PRKDC: variants seen among roughly 807,000 people sequenced by gnomAD.
PRKDC encodes the protein protein kinase, DNA-activated, catalytic subunit.
Under a neutral mutation model 486.9 loss-of-function variants are expected in PRKDC, and 82 were observed. That is an observed-to-expected ratio of 0.17 (90% CI 0.14 to 0.20). PRKDC has a LOEUF of 0.20. PRKDC is among the 10% of genes least tolerant of loss of function. PRKDC has a pLI of 1.00. For synonymous variants in PRKDC, 1,895 were observed against 1,837.0 expected (o/e 1.03, Z -0.81); for missense variants, 4,504 against 5,038.2 (o/e 0.89, Z 3.21).
intron 18 of PRKDC, 24 bp from the exon 19 acceptor site, chr8:47,929,202 G>C: frequency 2.7e-6 from 4 of 1,470,502 alleles, no homozygotes; most frequent in Non-Finnish European, 3.7e-6. Flanking sequence ...CAGCAAGTTA[G>C]TACACTGAAC....
At position 47,877,735 on chromosome 8, in the gene PRKDC, C is replaced by G. The variant is rs2089119150; in HGVS notation, c.5352G>C (p.Arg1784Ser). 6.3e-6 allele frequency: 10 copies of G among 1,584,508 alleles called. No individual in the cohort carries two copies. Among genetic ancestry groups the G allele is most frequent in the African/African-American group, 1.4e-5 (1 of 73,780 alleles). ...MEELFQSSFR[R>S]IARRGSCVTQ... is the part of the protein sequence containing the mutation. ...CCAGAATGACTTACCTTCTGGCAAT[C>G]CTCCTGAAACTGGATTGAAATAATT... Residue 1784 changes from arginine (R) to serine (S), a missense_variant, in exon 40 of 86, where the codon AGG becomes AGC. By Grantham distance (110) the Arg-to-Ser change is moderately radical. This residue lies in a region of PRKDC where 1,969 missense variants were observed against 2,068.9 expected (regional missense o/e 0.95). Transcript: ENST00000314191.
intron 69 of PRKDC, 90 bp downstream of exon 69, chr8:47,807,047 G>C: frequency 8.3e-6 from 11 of 1,327,726 alleles, no homozygotes; most frequent in Non-Finnish European, 1.1e-5. Flanking sequence ...TTATTTTAAG[G>C]TTCAGACTCT....
At chr8:47,801,575 A>G (rs1363984520) in intron 70 of PRKDC, among the ~76,000 whole-genome samples, 1 of 152,220 alleles carries the variant, frequency 6.6e-6, no homozygotes, top group Non-Finnish European at 1.5e-5. Flanking sequence ...ATCATTCTGC[A>G]ATTTTTCAAA....
At chr8:47,928,571 G>C (rs528247598) in intron 19 of PRKDC, among the ~76,000 whole-genome samples, 2 of 142,036 alleles carry the variant, frequency 1.4e-5, no homozygotes, top group Admixed American at 7.0e-5. Flanking sequence ...TTTTTTTTTT[G>C]AGACACAGTC....
At position 47,831,999 on chromosome 8, in the gene PRKDC, G is replaced by A. The variant is rs2087892181; in HGVS notation, c.8153-73C>T. ...GGCTCTGCTGGTTCATTTTCACCTC[G>A]GGTTTCCTCAAAGACAAAACCTACA... On this transcript the variant is annotated intron_variant, in intron 59 of 85. Transcript: ENST00000314191. 4.3e-6 allele frequency: 6 copies of A among 1,390,670 alleles called. No homozygotes were observed. The East Asian group carries it at 1.2e-4, about 27-fold the overall frequency. 86.1% of individuals were successfully genotyped at this position (1,390,670 alleles called of 1,614,324 possible).
chr8:47,927,169 A>G (rs1333881662), intron 21 of PRKDC, 25 bp downstream of exon 21: 3 of 1,603,816 alleles, frequency 1.9e-6, no homozygotes, highest in Non-Finnish European at 2.6e-6. Context: ...ATTACAATAC[A>G]CATCACAATT....
At chr8:47,863,792 T>C (rs1426554069) in intron 41 of PRKDC, among the ~76,000 whole-genome samples, 1 of 152,238 alleles carries the variant, frequency 6.6e-6, no homozygotes, top group Non-Finnish European at 1.5e-5. Flanking sequence ...GGAAATAATG[T>C]GTGACATCCA....
chr8:47,799,721 C>T (rs1181550038), intron 71 of PRKDC, among the ~76,000 whole-genome samples: 1 of 152,134 alleles, frequency 6.6e-6, no homozygotes, highest in Non-Finnish European at 1.5e-5. Flanking sequence ...CACTCAGTGT[C>T]CTGCACAGAT....
At chr8:47,830,475 C>T (rs1399405549) in intron 61 of PRKDC, 130 bp downstream of exon 61, 29 of 1,268,158 alleles carry the variant, frequency 2.3e-5, no homozygotes, top group Non-Finnish European at 3.1e-5. Context: ...ACCAAGTCCA[C>T]CGTTGAGGAC....
At chr8:47,851,372 T>A (rs928425526) in intron 52 of PRKDC, among the ~76,000 whole-genome samples, 6 of 152,250 alleles carry the variant, frequency 3.9e-5, no homozygotes, top group Non-Finnish European at 8.8e-5. Flanking sequence ...TTTAAAAATC[T>A]GTTTATTTAC....
chr8:47,816,185 G>A lies in PRKDC; in HGVS notation c.9557+1265C>T, dbSNP rs553664512. Among the ~76,000 whole-genome samples, 4 of 150,856 alleles carry A rather than the reference G, an allele frequency of 2.7e-5. No homozygotes were observed. The South Asian group carries it at 8.4e-4, about 32-fold the overall frequency. ...GCTGAGATTGTGCCACCGCACTCCA[G>A]CCTGGGCAAAAAGACTGCATCAAAA... On this transcript the variant is annotated intron_variant, in intron 68 of 85. Transcript: ENST00000314191.
At chr8:47,837,910 T>C (rs1282886757) in intron 56 of PRKDC, among the ~76,000 whole-genome samples, 1 of 151,958 alleles carries the variant, frequency 6.6e-6, no homozygotes, top group Non-Finnish European at 1.5e-5. Flanking sequence ...CTGAGGTGGG[T>C]GGATCACCTG....
At chr8:47,893,474 G>A in intron 30 of PRKDC, 87 bp from the exon 31 acceptor site, 2 of 1,305,454 alleles carry the variant, frequency 1.5e-6, no homozygotes, top group East Asian at 5.6e-5. Flanking sequence ...AAATGTTATG[G>A]GACAATCTTT....
chr8:47,944,613 C>T (rs954893375), intron 7 of PRKDC, among the ~76,000 whole-genome samples: 3 of 151,966 alleles, frequency 2.0e-5, no homozygotes, highest in Non-Finnish European at 2.9e-5. Context: ...AAAACAGGCA[C>T]ATAACTATAA....
intron 74 of PRKDC, among the ~76,000 whole-genome samples, chr8:47,792,346 C>T (rs1051395563): frequency 1.3e-5 from 2 of 151,126 alleles, no homozygotes; most frequent in African/African-American, 4.9e-5. Context: ...GCAAGCTCCG[C>T]CTCCCGGGTT....
chr8:47,935,360 C>A (rs112012095), intron 13 of PRKDC, among the ~76,000 whole-genome samples: 1 of 151,988 alleles, frequency 6.6e-6, no homozygotes, highest in Non-Finnish European at 1.5e-5. Flanking sequence ...ATTAGCCGGG[C>A]ATGGTGGCGG....
Position 47,840,086 on chromosome 8 carries a change from C to T in PRKDC, c.7384G>A (p.Val2462Ile), listed in dbSNP as rs776319051. 1.3e-5 allele frequency: 21 copies of T among 1,572,926 alleles called. No individual in the cohort carries two copies. In the Admixed American group the frequency reaches 3.6e-4, roughly 27 times the overall value. Residue 2462 changes from valine (V) to isoleucine (I), a missense_variant, in exon 55 of 86, where the codon GTT (valine) becomes ATT (isoleucine). Coordinates refer to ENST00000314191, the MANE Select transcript of PRKDC (RefSeq NM_006904.7). Reference sequence around the variant, plus strand: ...CTACATGTTGTAGAAGGATGGGAAACGAATTCCACAACGGGGTTCAGAAGT... The same window carrying T: ...CTACATGTTGTAGAAGGATGGGAAATGAATTCCACAACGGGGTTCAGAAGT... ...RELLNPVVEF[V>I]SHPSTTCREQ...
At position 47,902,571 on chromosome 8, in the gene PRKDC, G is replaced by A. The variant is rs754214241; in HGVS notation, c.3267C>T (p.Phe1089=). ...SLAFNNIYRE[F]REEESLVEQF... Reference sequence around the variant, plus strand: ...TCTCTGTTGTGTAGCTTACAAACCTGAATTCCCTGTAGATATTATTAAAGG... The same window carrying A: ...TCTCTGTTGTGTAGCTTACAAACCTAAATTCCCTGTAGATATTATTAAAGG... The change falls in exon 27 of 86, where the codon TTC becomes TTT. Residue 1089 remains phenylalanine (F), a splice_region_variant and synonymous_variant. Transcript: ENST00000314191. 1 of 1,561,562 alleles carries A rather than the reference G, an allele frequency of 6.4e-7. No homozygotes were observed. Among genetic ancestry groups the A allele is most frequent in the African/African-American group, 1.4e-5 (1 of 72,974 alleles).
rs549215530 is a variant in PRKDC, at chr8:47,782,481, C to G, written c.11293G>C (p.Glu3765Gln). Reference sequence around the variant, plus strand: ...CCATTCATGACCTGGAAGAGCTGCTCCACGCGCTGGTCCTGCCGCAGGTCC... The same window carrying G: ...CCATTCATGACCTGGAAGAGCTGCTGCACGCGCTGGTCCTGCCGCAGGTCC... ...GEDLRQDQRV[E>Q]QLFQVMNGIL... The change falls in exon 79 of 86, where the codon GAG becomes CAG. Residue 3765 changes from glutamate (E) to glutamine (Q), a missense_variant. Coordinates refer to ENST00000314191, the MANE Select transcript of PRKDC (RefSeq NM_006904.7). The surrounding 1 kb of genome is among the most constrained non-coding windows in gnomAD (Gnocchi z 4.9). The G allele has an allele frequency of 6.3e-7, 1 of 1,583,622 alleles. No individual in the cohort carries two copies. Among genetic ancestry groups the G allele is most frequent in the South Asian group, 1.1e-5 (1 of 87,002 alleles).
Sources: gnomAD v4.1 joint callset for allele counts (sites outside exome capture counted in the v4.1 genomes callset) on GRCh38, gnomAD v4.1.1 for gene constraint, gnomAD v4.1.1 regional missense constraint, Gnocchi (gnomAD v3.1) non-coding constraint, MANE v1.5 for transcripts, NCBI Gene and HGNC (gene_info 2026-07-23, HGNC 2026-07-21) for gene names.